The following ABCA3 variants were observed in gnomAD, a reference collection of about 807,000 sequenced individuals.
ABCA3 encodes ATP binding cassette subfamily A member 3, also known as phospholipid-transporting ATPase ABCA3.
In ABCA3, 88 loss-of-function variants were observed where a neutral mutation model predicts 172.8. The observed-to-expected ratio is 0.51, with a 90% CI of 0.43 to 0.61. The LOEUF (loss-of-function observed/expected upper bound fraction) is 0.61. Ranked by LOEUF, ABCA3 falls within the 20% of genes least tolerant of loss-of-function variation. The pLI, the probability that ABCA3 is intolerant of heterozygous loss-of-function variation, is 0.00. For synonymous variants in ABCA3, 1,066 were observed against 983.8 expected, an observed-to-expected ratio of 1.08 and a Z score of -1.56; for missense variants, 2,164 against 2,301.0, an observed-to-expected ratio of 0.94 and a Z score of 1.22.
At chr16:2,316,490 C>CGAAA (rs2093715967) in intron 10 of ABCA3, among the ~76,000 whole-genome samples, 1 of 28,866 alleles carries the variant, frequency 3.5e-5, no homozygotes. Context: ...ACTAAAAATG[C>CGAAA]AAAAAAAAAA....
At chr16:2,318,102 C>A (rs1045080978) in intron 8 of ABCA3, among the ~76,000 whole-genome samples, 3 of 152,240 alleles carry the variant, frequency 2.0e-5, no homozygotes, top group African/African-American at 7.2e-5. Flanking sequence ...AGGAGCCCAG[C>A]CCTTCTGGGG....
chr16:2,324,618 A>C, intron 5 of ABCA3, 87 bp from the exon 6 acceptor site: 1 of 1,577,438 alleles, frequency 6.3e-7, no homozygotes, highest in Non-Finnish European at 8.6e-7. Flanking sequence ...TGGCAGATGA[A>C]AGACGGCAAA....
At position 2,283,089 on chromosome 16, in the gene ABCA3, G is replaced by A; in HGVS notation, c.4035+97C>T. ...AGACCATCTGGTGCAGGAGCTGCCTGGTGGAGAAGGAGGTGGAGCTGCCCC... is the reference window on the plus strand; with the variant it reads ...AGACCATCTGGTGCAGGAGCTGCCTAGTGGAGAAGGAGGTGGAGCTGCCCC... On this transcript the variant is annotated intron_variant, in intron 26 of 32. Coordinates refer to ENST00000301732, the MANE Select transcript of ABCA3 (RefSeq NM_001089.3). This position sits in a 1 kb window ranked among gnomAD's most constrained non-coding sequence, Gnocchi z 5.4. The A allele has an allele frequency of 7.5e-7, 1 of 1,338,978 alleles. No homozygotes were observed. The highest frequency in any genetic ancestry group is 1.0e-6 in the Non-Finnish European group (1 of 959,152). The allele number at this position is 1,338,978 out of a possible 1,614,324, so 82.9% of individuals were successfully genotyped here.
chr16:2,285,259 A>G lies in ABCA3; in HGVS notation c.3483+183T>C, dbSNP rs780093235. 6.6e-5 allele frequency among the ~76,000 whole-genome samples: 10 copies of G among 152,170 alleles called. No homozygotes were observed. Among genetic ancestry groups the G allele is most frequent in the Non-Finnish European group, 1.3e-4 (9 of 68,012 alleles). ...CGGGTGCTGCCCATGCATGGAGGGT[A>G]AAGGCTGAGGGTGCAGGGAGGAGGC... On this transcript the variant is annotated intron_variant, in intron 23 of 32. Transcript: ENST00000301732. This position sits in a 1 kb window ranked among gnomAD's most constrained non-coding sequence, Gnocchi z 4.7.
chr16:2,334,788 G>A (rs1390741293), intron 1 of ABCA3, among the ~76,000 whole-genome samples: 1 of 151,226 alleles, frequency 6.6e-6, no homozygotes, highest in Non-Finnish European at 1.5e-5. Flanking sequence ...GAAGTGCTAG[G>A]ATCACAGGTG....
chr16:2,278,785 C>T lies in ABCA3; in HGVS notation c.4547+158G>A, dbSNP rs760474188. ...CACTGTCAGGGCAGTCCCTTTCCTA[C>T]GTGGAGCTACCTGGGTCACACCACC... On this transcript the variant is annotated intron_variant, in intron 29 of 32. Transcript: ENST00000301732. This position sits in a 1 kb window ranked among gnomAD's most constrained non-coding sequence, Gnocchi z 4.4. 1.3e-4 allele frequency among the ~76,000 whole-genome samples: 20 copies of T among 152,174 alleles called. No homozygotes were observed. Among genetic ancestry groups the T allele is most frequent in the South Asian group, 6.2e-4 (3 of 4,830 alleles).
At position 2,297,135 on chromosome 16, in the gene ABCA3, T is replaced by C. The variant is rs1016201833; in HGVS notation, c.2263+194A>G. On this transcript the variant is annotated intron_variant, in intron 17 of 32. Transcript: ENST00000301732. The surrounding 1 kb of genome is among the most constrained non-coding windows in gnomAD (Gnocchi z 5.6). ...CCACATCCTAACCAAATTGAGACTT[T>C]CAGCTCCATTTCCTGCCTCTTCCCT... 2.6e-5 allele frequency among the ~76,000 whole-genome samples: 4 copies of C among 152,138 alleles called. No individual in the cohort carries two copies. Among genetic ancestry groups the C allele is most frequent in the Non-Finnish European group, 2.9e-5 (2 of 68,030 alleles).
chr16:2,299,635 C>G, intron 13 of ABCA3, 103 bp from the exon 14 acceptor site: 1 of 1,560,592 alleles, frequency 6.4e-7, no homozygotes, highest in Non-Finnish European at 8.7e-7. Flanking sequence ...GGAACCAAGC[C>G]TAGCGTCACC....
At chr16:2,311,252 G>GT (rs1431763790) in intron 10 of ABCA3, among the ~76,000 whole-genome samples, 1 of 152,110 alleles carries the variant, frequency 6.6e-6, no homozygotes, top group Non-Finnish European at 1.5e-5. Context: ...AATTACAGGC[G>GT]TGAGCCACCG....
chr16:2,333,177 G>A (rs1200897600), intron 1 of ABCA3, among the ~76,000 whole-genome samples: 2 of 152,064 alleles, frequency 1.3e-5, no homozygotes. Flanking sequence ...GGGGGTGGTG[G>A]GTCTTGAGAC....
At position 2,303,825 on chromosome 16, in the gene ABCA3, C is replaced by T. The variant is rs1182508132; in HGVS notation, c.1467+144G>A. 7.7e-6 allele frequency: 7 copies of T among 910,868 alleles called. No homozygotes were observed. In the Admixed American group the frequency reaches 8.1e-5, roughly 10 times the overall value. The allele number at this position is 910,868 out of a possible 1,614,324, so 56.4% of individuals were successfully genotyped here. On this transcript the variant is annotated intron_variant, in intron 12 of 32. Coordinates refer to ENST00000301732, the MANE Select transcript of ABCA3 (RefSeq NM_001089.3). Reference sequence around the variant, plus strand: ...CCAAGGGCCCTCGGGGGACACGCCACTCCCTGTGCACAGGGCAGGGTTCTG... The same window carrying T: ...CCAAGGGCCCTCGGGGGACACGCCATTCCCTGTGCACAGGGCAGGGTTCTG...
intron 19 of ABCA3, among the ~76,000 whole-genome samples, chr16:2,290,631 A>G (rs985192435): frequency 1.3e-5 from 2 of 152,072 alleles, no homozygotes; most frequent in South Asian, 2.1e-4. Context: ...CCTTCCTTCA[A>G]CCAGGATTCA....
In ABCA3 at chr16:2,279,119, C is replaced by T. The variant is rs1205051744; in HGVS notation, c.4371G>A (p.Arg1457=). 6.2e-7 allele frequency: 1 copy of T among 1,611,598 alleles called. No homozygotes were observed. Among genetic ancestry groups the T allele is most frequent in the Non-Finnish European group, 8.5e-7 (1 of 1,180,010 alleles). ...ISSDVGKVRQ[R]IGYCPQFDAL... The stretch of plus-strand genomic sequence containing the variant: ...CATCAAACTGCGGGCAGTAGCCGAT[C>T]CGCTGCCGCACCTGGGGTCGGAGCA... The change falls in exon 29 of 33, where the codon CGG becomes CGA. Residue 1457 remains arginine, a synonymous_variant. Coordinates refer to ENST00000301732, the MANE Select transcript of ABCA3 (RefSeq NM_001089.3). The surrounding 1 kb of genome is among the most constrained non-coding windows in gnomAD (Gnocchi z 4.4).
chr16:2,336,104 G>C (rs1041935989), intron 1 of ABCA3, among the ~76,000 whole-genome samples: 18 of 152,180 alleles, frequency 1.2e-4, no homozygotes, highest in African/African-American at 3.6e-4. Context: ...TTTTCAAAAA[G>C]AATCTGTACC....
chr16:2,325,997 C>T lies in ABCA3; in HGVS notation c.319+13G>A, dbSNP rs368434508. 8.1e-6 allele frequency: 13 copies of T among 1,613,220 alleles called. No individual in the cohort carries two copies. Among genetic ancestry groups the T allele is most frequent in the African/African-American group, 8.0e-5 (6 of 74,920 alleles). On this transcript the variant is annotated intron_variant, in intron 5 of 32. Transcript: ENST00000301732. ...CCACTAGGCCTGGCACCGAGAGCCCCGGCATGTCTCACCTCGCATGTTGAT... is the reference window on the plus strand; with the variant it reads ...CCACTAGGCCTGGCACCGAGAGCCCTGGCATGTCTCACCTCGCATGTTGAT...
At chr16:2,304,228 C>G in intron 11 of ABCA3, 78 bp from the exon 12 acceptor site, 1 of 1,512,008 alleles carries the variant, frequency 6.6e-7, no homozygotes, top group Non-Finnish European at 9.2e-7. Flanking sequence ...TGATGGCACA[C>G]GTGTGCACAT....
chr16:2,338,051 G>T (rs191569049), intron 1 of ABCA3, among the ~76,000 whole-genome samples: 17 of 152,318 alleles, frequency 1.1e-4, no homozygotes, highest in African/African-American at 4.1e-4. Flanking sequence ...CCGTTCTCCA[G>T]CCAGCTAGCT....
Position 2,276,444 on chromosome 16 carries a change from T to G in ABCA3, c.*230A>C. The G allele has an allele frequency of 1.3e-6, 1 of 794,822 alleles. No individual in the cohort carries two copies. Among genetic ancestry groups the G allele is most frequent in the Non-Finnish European group, 2.0e-6 (1 of 492,496 alleles). 49.2% of individuals were successfully genotyped at this position (794,822 alleles called of 1,614,324 possible). A position where few individuals can be genotyped will look rare whatever the true frequency, so the allele number is the denominator to read the frequency against. On this transcript the variant is annotated 3_prime_UTR_variant, in exon 33 of 33. Transcript: ENST00000301732. ...CAGACTGCCCGGCCTGCCCCAGCTC[T>G]GGGAAAGTGAACTCCAGAGTATGCA...
In ABCA3 at chr16:2,283,173, C is replaced by T. The variant is rs373518076; in HGVS notation, c.4035+13G>A. 3.3e-5 allele frequency: 53 copies of T among 1,611,742 alleles called. No homozygotes were observed. Among genetic ancestry groups the T allele is most frequent in the East Asian group, 1.3e-4 (6 of 44,840 alleles). On this transcript the variant is annotated intron_variant, in intron 26 of 32. Transcript: ENST00000301732. This position sits in a 1 kb window ranked among gnomAD's most constrained non-coding sequence, Gnocchi z 5.4. ...GCATCTCGCCAGTGTCCTGGGCTCC[C>T]GGAGCCACTCACCAGTGTCCGCCTC...
Sources: gnomAD v4.1 joint callset for allele counts (sites outside exome capture counted in the v4.1 genomes callset) on GRCh38, gnomAD v4.1.1 for gene constraint, Gnocchi (gnomAD v3.1) non-coding constraint, MANE v1.5 for transcripts, NCBI Gene and HGNC (gene_info 2026-07-23, HGNC 2026-07-21) for gene names.